The following SLC38A6 variants were observed in gnomAD, a reference collection of about 807,000 sequenced individuals.
SLC38A6 encodes N system amino acid transporter NAT-1.
In SLC38A6, 73 loss-of-function variants were observed where a neutral mutation model predicts 65.0. The observed-to-expected ratio is 1.12, with a 90% CI of 0.93 to 1.37. The LOEUF is 1.37. SLC38A6 is among the 40% of genes most tolerant of loss of function. The probability of loss-of-function intolerance (pLI) is 0.00; values close to 1 mark genes in which losing one functional copy is unlikely to be tolerated. For synonymous variants in SLC38A6, 183 were observed against 178.8 expected (o/e 1.02, Z -0.19); for missense variants, 561 against 531.1 (o/e 1.06, Z -0.55).
intron 5 of SLC38A6, among the ~76,000 whole-genome samples, chr14:61,023,148 A>G (rs1292269769): frequency 6.6e-6 from 1 of 152,216 alleles, no homozygotes; most frequent in African/African-American, 2.4e-5. Context: ...AATTGAATAT[A>G]CTATGTAAGT....
At chr14:61,012,924 A>G (rs907005211) in intron 3 of SLC38A6, among the ~76,000 whole-genome samples, 7 of 152,172 alleles carry the variant, frequency 4.6e-5, no homozygotes, top group South Asian at 2.1e-4. Context: ...GCTGAGTTCA[A>G]TTCCTGGAGA....
intron 8 of SLC38A6, 84 bp from the exon 9 acceptor site, chr14:61,043,063 G>T: frequency 1.2e-6 from 1 of 848,030 alleles, no homozygotes; most frequent in South Asian, 1.7e-5. Flanking sequence ...TTATTTAATT[G>T]AAATGATACT....
At chr14:61,062,704 G>C (rs1041201004) in intron 15 of SLC38A6, among the ~76,000 whole-genome samples, 17 of 152,070 alleles carry the variant, frequency 1.1e-4, no homozygotes, top group Non-Finnish European at 2.5e-4. Flanking sequence ...TTTTGAGACA[G>C]AGTCTCACTT....
chr14:61,046,145 C>G lies in SLC38A6; in HGVS notation c.903C>G (p.Leu301=). The G allele has an allele frequency of 6.2e-7, 1 of 1,601,080 alleles. No homozygotes were observed. The highest frequency in any genetic ancestry group is 1.1e-5 in the South Asian group (1 of 90,264). Residue 301 remains leucine (L), a synonymous_variant, in exon 12 of 16, where the codon CTC becomes CTG. Transcript: ENST00000267488. ...LSFLIYFISA[L]FGYLTFYDKV... is the part of the protein sequence containing the mutation. ...TTCTCATTTATTTTATATCTGCACT[C>G]TTTGGGTACCTCACTTTTTATGGTA...
intron 10 of SLC38A6, among the ~76,000 whole-genome samples, chr14:61,043,986 A>G (rs2041976746): frequency 6.6e-6 from 1 of 152,094 alleles, no homozygotes; most frequent in Non-Finnish European, 1.5e-5. Context: ...GAAATTCATG[A>G]TGCCAGGAGT....
At chr14:60,981,643 C>T (rs777974235) in intron 1 of SLC38A6, 12 of 1,442,220 alleles carry the variant, frequency 8.3e-6, no homozygotes, top group Non-Finnish European at 1.0e-5. Context: ...GTGGAAGCTG[C>T]GAACATGATG....
chr14:61,053,849 T>G (rs2042614911), downstream of SLC38A6, among the ~76,000 whole-genome samples: 1 of 152,202 alleles, frequency 6.6e-6, no homozygotes, highest in South Asian at 2.1e-4. Flanking sequence ...TTGGTTTTTT[T>G]TGCTGTGCAG....
intron 3 of SLC38A6, among the ~76,000 whole-genome samples, chr14:60,997,304 A>G (rs2038365525): frequency 6.6e-6 from 1 of 152,008 alleles, no homozygotes; most frequent in Admixed American, 6.6e-5. Flanking sequence ...GGTGTGCACC[A>G]CCACACCTGG....
At chr14:61,013,132 T>G (rs2039709103) in intron 3 of SLC38A6, among the ~76,000 whole-genome samples, 1 of 152,218 alleles carries the variant, frequency 6.6e-6, no homozygotes, top group Non-Finnish European at 1.5e-5. Flanking sequence ...CCTTTACCAT[T>G]ATGTAATGGC....
intron 16 of SLC38A6, among the ~76,000 whole-genome samples, chr14:61,081,630 A>G (rs1255189116): frequency 6.6e-6 from 1 of 152,046 alleles, no homozygotes; most frequent in Non-Finnish European, 1.5e-5. Context: ...GGTTGCAGTA[A>G]GCCAATACCC....
chr14:61,042,606 T>C (rs1352049739), intron 8 of SLC38A6, among the ~76,000 whole-genome samples: 2 of 152,190 alleles, frequency 1.3e-5, no homozygotes, highest in Non-Finnish European at 2.9e-5. Flanking sequence ...AGCTATATGC[T>C]CCTATTCCAG....
At chr14:61,061,793 A>C (rs944908465) in intron 15 of SLC38A6, among the ~76,000 whole-genome samples, 1 of 151,456 alleles carries the variant, frequency 6.6e-6, no homozygotes, top group Non-Finnish European at 1.5e-5. Context: ...TGCAATTACA[A>C]ATAAAGCTGC....
At chr14:61,010,991 GACA>G (rs956308771) in intron 3 of SLC38A6, among the ~76,000 whole-genome samples, 1 of 152,074 alleles carries the variant, frequency 6.6e-6, no homozygotes, top group African/African-American at 2.4e-5. Context: ...CCATTTTCAC[GACA>G]TTGATTCTTC....
At chr14:61,076,601 T>C (rs972693791) in intron 15 of SLC38A6, among the ~76,000 whole-genome samples, 1 of 152,252 alleles carries the variant, frequency 6.6e-6, no homozygotes, top group Non-Finnish European at 1.5e-5. Context: ...TGTATCCAAC[T>C]GTTGGAGTTT....
chr14:61,029,850 T>C (rs911213959), intron 5 of SLC38A6, among the ~76,000 whole-genome samples: 5 of 152,204 alleles, frequency 3.3e-5, no homozygotes, highest in African/African-American at 9.7e-5. Flanking sequence ...CTCTAATCTT[T>C]TTAGAGACTA....
Position 60,994,121 on chromosome 14 carries a change from C to T in SLC38A6, c.310+9318C>T, listed in dbSNP as rs188812379. 3.6e-3 allele frequency among the ~76,000 whole-genome samples: 542 copies of T among 152,310 alleles called. 3 individuals carry two copies. The highest frequency in any genetic ancestry group is 0.012 in the African/African-American group (507 of 41,570). On this transcript the variant is annotated intron_variant, in intron 3 of 15. Coordinates refer to ENST00000267488, the MANE Select transcript of SLC38A6 (RefSeq NM_153811.3). ...AATGAGTTCAAGACATATTTCTACA[C>T]AAAAACCTCCATAAAGATGTTAATA...
At chr14:61,073,435 C>T (rs761405324) in intron 15 of SLC38A6, among the ~76,000 whole-genome samples, 2 of 152,244 alleles carry the variant, frequency 1.3e-5, no homozygotes, top group Non-Finnish European at 1.5e-5. Flanking sequence ...TAAATTTCAA[C>T]GTGAGTTTTG....
intron 2 of SLC38A6, among the ~76,000 whole-genome samples, chr14:60,983,256 C>G (rs1164163859): frequency 6.6e-6 from 1 of 152,160 alleles, no homozygotes; most frequent in Non-Finnish European, 1.5e-5. Context: ...AACTGGAGGT[C>G]AAGGCAGGCG....
chr14:61,078,244 G>A (rs2043498358), intron 15 of SLC38A6, among the ~76,000 whole-genome samples: 1 of 152,210 alleles, frequency 6.6e-6, no homozygotes, highest in Admixed American at 6.5e-5. Flanking sequence ...ACTGCCTTCT[G>A]GGTGAGTGGG....
Sources: gnomAD v4.1 joint callset for allele counts (sites outside exome capture counted in the v4.1 genomes callset) on GRCh38, gnomAD v4.1.1 for gene constraint, MANE v1.5 for transcripts, NCBI Gene and HGNC (gene_info 2026-07-23, HGNC 2026-07-21) for gene names.